AK5: variants seen among roughly 807,000 people sequenced by gnomAD.
AK5 encodes adenylate kinase isoenzyme 5.
AK5 carries 27 observed loss-of-function variants against 69.5 expected under a neutral mutation model. That is an observed-to-expected ratio of 0.39 (90% confidence interval 0.29 to 0.54). The LOEUF (loss-of-function observed/expected upper bound fraction) is 0.54, where lower values mean the gene tolerates loss of function less well. Among genes scored for constraint, AK5 ranks in the 20% least tolerant of loss-of-function variants. The pLI is 0.71. For missense variants in AK5, 531 were observed against 700.4 expected (o/e 0.76, Z 2.73); for synonymous variants, 260 against 244.4 (o/e 1.06, Z -0.60).
intron 6 of AK5, among the ~76,000 whole-genome samples, chr1:77,362,064 G>T (rs1347619910): frequency 6.6e-6 from 1 of 152,142 alleles, no homozygotes; most frequent in Non-Finnish European, 1.5e-5. Flanking sequence ...GAAGAATGGG[G>T]CAATAAGAAG....
At chr1:77,534,443 A>C (rs1250623803) in intron 12 of AK5, among the ~76,000 whole-genome samples, 1 of 152,192 alleles carries the variant, frequency 6.6e-6, no homozygotes, top group Non-Finnish European at 1.5e-5. Context: ...AGAATTCTTA[A>C]TCCCTGCACA....
chr1:77,522,792 A>G (rs1279370627), intron 12 of AK5, among the ~76,000 whole-genome samples: 1 of 152,230 alleles, frequency 6.6e-6, no homozygotes, highest in Non-Finnish European at 1.5e-5. Flanking sequence ...CCTCATTGTT[A>G]AACAAATACT....
intron 8 of AK5, among the ~76,000 whole-genome samples, chr1:77,455,617 C>G (rs2247742): frequency 0.32 from 48,850 of 151,882 alleles, 8,361 homozygotes; most frequent in East Asian, 0.59. Flanking sequence ...GAACGGTGAG[C>G]TATAAATTTC....
chr1:77,475,165 ATG>A, intron 8 of AK5, among the ~76,000 whole-genome samples: 1 of 10,866 alleles, frequency 9.2e-5, no homozygotes, highest in Non-Finnish European at 1.9e-4. Context: ...GTGTGTGTGC[ATG>A]TATATATATA....
At chr1:77,334,551 G>T (rs1453974) in intron 5 of AK5, among the ~76,000 whole-genome samples, 145,988 of 152,212 alleles carry the variant, frequency 0.96, 70,299 homozygotes, top group East Asian at 1. Context: ...TTTTCTCTCC[G>T]TTTCTAGAGC....
At chr1:77,551,925 A>T (rs935804794) in intron 13 of AK5, among the ~76,000 whole-genome samples, 1 of 152,150 alleles carries the variant, frequency 6.6e-6, no homozygotes, top group Non-Finnish European at 1.5e-5. Flanking sequence ...CCTCGTGCTC[A>T]TGGAGCTTAT....
At chr1:77,511,853 G>T (rs1316844797) in intron 10 of AK5, among the ~76,000 whole-genome samples, 1 of 152,180 alleles carries the variant, frequency 6.6e-6, no homozygotes, top group Admixed American at 6.5e-5. Flanking sequence ...GGAGGTAAGT[G>T]GAGCTCAAAG....
intron 5 of AK5, among the ~76,000 whole-genome samples, chr1:77,322,438 G>A (rs1660583704): frequency 6.6e-6 from 1 of 152,112 alleles, no homozygotes; most frequent in Admixed American, 6.5e-5. Flanking sequence ...CCCTCTGGGG[G>A]TTGCTGAGTC....
chr1:77,421,301 A>G (rs1650795739), intron 8 of AK5, among the ~76,000 whole-genome samples: 1 of 152,196 alleles, frequency 6.6e-6, no homozygotes, highest in Non-Finnish European at 1.5e-5. Context: ...GCACAGAGAA[A>G]TTAAGAAGTT....
chr1:77,420,813 C>T (rs533475694), intron 8 of AK5, among the ~76,000 whole-genome samples: 2 of 152,214 alleles, frequency 1.3e-5, no homozygotes, highest in African/African-American at 2.4e-5. Context: ...CATTTGACAC[C>T]GTAAACTAGG....
intron 10 of AK5, among the ~76,000 whole-genome samples, chr1:77,494,804 C>A (rs1299732577): frequency 2.0e-5 from 3 of 148,024 alleles, no homozygotes; most frequent in African/African-American, 7.5e-5. Flanking sequence ...TTTTTTGAGA[C>A]GGAGTCTTGC....
intron 10 of AK5, among the ~76,000 whole-genome samples, chr1:77,517,399 G>A (rs1360945616): frequency 1.3e-5 from 2 of 152,194 alleles, no homozygotes; most frequent in Non-Finnish European, 2.9e-5. Context: ...ACCTCTGAGA[G>A]TCAGAGCCCA....
chr1:77,506,660 G>T (rs1315288094), intron 10 of AK5, among the ~76,000 whole-genome samples: 1 of 152,138 alleles, frequency 6.6e-6, no homozygotes, highest in East Asian at 1.9e-4. Flanking sequence ...ATCATAGAGT[G>T]TTAGTTAGAA....
chr1:77,499,756 G>T (rs530379941), intron 10 of AK5, among the ~76,000 whole-genome samples: 1 of 151,768 alleles, frequency 6.6e-6, no homozygotes, highest in South Asian at 2.1e-4. Flanking sequence ...CTCCTAGAGA[G>T]ACCCCTTGGG....
At chr1:77,537,062 C>A (rs764540507) in intron 13 of AK5, among the ~76,000 whole-genome samples, 10 of 152,056 alleles carry the variant, frequency 6.6e-5, no homozygotes, top group Non-Finnish European at 1.3e-4. Context: ...TTCTTGAATC[C>A]TTGCAAAGCT....
In AK5 at chr1:77,307,749, C is replaced by A. The variant is rs189449871; in HGVS notation, c.699+9802C>A. Among the ~76,000 whole-genome samples the A allele has an allele frequency of 5.3e-5, 8 of 152,244 alleles. No homozygotes were observed. In the East Asian group the frequency reaches 1.5e-3, roughly 29 times the overall value. On this transcript the variant is annotated intron_variant, in intron 5 of 13. Coordinates refer to ENST00000354567, the MANE Select transcript of AK5 (RefSeq NM_174858.3). ...TTCTGTGTTCTCCCTCCCCTGGCAC[C>A]CAGAGAGGCTCTCAGAACTACACCG...
intron 12 of AK5, among the ~76,000 whole-genome samples, chr1:77,533,532 A>AC: frequency 6.9e-6 from 1 of 144,316 alleles, no homozygotes. Flanking sequence ...AAAAAAAAAA[A>AC]AAACAGATTC....
At chr1:77,325,745 G>A (rs1405697061) in intron 5 of AK5, among the ~76,000 whole-genome samples, 2 of 151,152 alleles carry the variant, frequency 1.3e-5, no homozygotes, top group Non-Finnish European at 2.9e-5. Context: ...ACTATATCTT[G>A]CCCATTTTGC....
At chr1:77,314,826 A>G (rs1466267124) in intron 5 of AK5, 1 of 152,160 alleles carries the variant, frequency 6.6e-6, no homozygotes, top group African/African-American at 2.4e-5. Context: ...GAACACCTGT[A>G]AGGTCCATAG....
Sources: gnomAD v4.1 joint callset for allele counts (sites outside exome capture counted in the v4.1 genomes callset) on GRCh38, gnomAD v4.1.1 for gene constraint, MANE v1.5 for transcripts, NCBI Gene and HGNC (gene_info 2026-07-23, HGNC 2026-07-21) for gene names.